Variants in CYTIP observed in about 807,000 individuals in gnomAD.
The protein encoded by CYTIP is cytohesin 1 interacting protein.
A neutral mutation model predicts 43.8 loss-of-function variants in CYTIP; 26 were observed. That is an observed-to-expected ratio of 0.59 (90% CI 0.44 to 0.82). The LOEUF is 0.82. Ranked by LOEUF, CYTIP falls within the 40% of genes least tolerant of loss-of-function variation. The pLI is 0.00. For synonymous variants in CYTIP, 162 were observed against 162.9 expected (o/e 0.99, Z 0.04); for missense variants, 426 against 443.1 (o/e 0.96, Z 0.35).
In CYTIP at chr2:157,430,625, A is replaced by T; in HGVS notation, c.410T>A (p.Val137Glu). 1.9e-6 allele frequency: 3 copies of T among 1,614,188 alleles called. No homozygotes were observed. The highest frequency in any genetic ancestry group is 2.5e-6 in the Non-Finnish European group (3 of 1,180,026). The change falls in exon 5 of 8, where the codon GTG becomes GAG. Residue 137 changes from valine (V) to glutamate (E), a missense_variant. Physicochemically the swap from Val to Glu is moderately radical, Grantham distance 121 (BLOSUM62 -2). Coordinates refer to ENST00000264192, the MANE Select transcript of CYTIP (RefSeq NM_004288.5). ...AGDVLANING[V>E]STEGFTYKQV... ...TTTGTAGGTAAAACCTTCTGTGCTC[A>T]CACCATTGATATTTGCAAGGACATC...
intron 5 of CYTIP, among the ~76,000 whole-genome samples, 158 bp from the exon 6 acceptor site, chr2:157,427,578 T>C (rs1208283926): frequency 6.6e-6 from 1 of 152,230 alleles, no homozygotes; most frequent in Admixed American, 6.5e-5. Context: ...TTCGAGTAGC[T>C]GGACCAAAGC....
At chr2:157,420,532 A>AT (rs144040589) in intron 6 of CYTIP, among the ~76,000 whole-genome samples, 10 of 151,486 alleles carry the variant, frequency 6.6e-5, no homozygotes, top group Middle Eastern at 3.4e-3. Flanking sequence ...TAAATAAATA[A>AT]TTTTTTTAAA....
At position 157,428,767 on chromosome 2, in the gene CYTIP, C is replaced by T. The variant is rs114023166; in HGVS notation, c.477-1347G>A. Among the ~76,000 whole-genome samples the T allele has an allele frequency of 7.4e-3, 1,123 of 152,312 alleles. 17 individuals are homozygous for T. Among genetic ancestry groups the T allele is most frequent in the African/African-American group, 0.026 (1,067 of 41,570 alleles). ...GAGCAAAAGCACCTCATCCTTTACC[C>T]TGAACTCACAGGACCTATAGAGTTG... On this transcript the variant is annotated intron_variant, in intron 5 of 7. Transcript: ENST00000264192.
chr2:157,431,259 T>C (rs1558939969), intron 3 of CYTIP, among the ~76,000 whole-genome samples: 2 of 152,212 alleles, frequency 1.3e-5, no homozygotes, highest in African/African-American at 2.4e-5. Context: ...TTTTTAAAAA[T>C]TGAGTTTCTC....
chr2:157,427,529 A>C, intron 5 of CYTIP, 109 bp from the exon 6 acceptor site: 1 of 689,308 alleles, frequency 1.5e-6, no homozygotes, highest in Non-Finnish European at 2.2e-6. Context: ...CACATACTAT[A>C]CTAAAAACGA....
chr2:157,443,548 G>T (rs941647431), intron 1 of CYTIP, among the ~76,000 whole-genome samples: 1 of 152,160 alleles, frequency 6.6e-6, no homozygotes. Flanking sequence ...CATACTGGTT[G>T]TATCTATATA....
intron 3 of CYTIP, among the ~76,000 whole-genome samples, chr2:157,433,261 A>T (rs1195782592): frequency 6.6e-6 from 1 of 152,090 alleles, no homozygotes; most frequent in Admixed American, 6.5e-5. Flanking sequence ...TGCTTCTAAA[A>T]CCTATAGATT....
intron 6 of CYTIP, among the ~76,000 whole-genome samples, chr2:157,426,284 A>G (rs912113596): frequency 5.3e-5 from 8 of 152,224 alleles, no homozygotes; most frequent in African/African-American, 1.9e-4. Flanking sequence ...AGTGAAAGCC[A>G]TAAAGATTTT....
chr2:157,436,988 C>A (rs1249998822), intron 1 of CYTIP, among the ~76,000 whole-genome samples: 1 of 151,812 alleles, frequency 6.6e-6, no homozygotes, highest in African/African-American at 2.4e-5. Context: ...TGAAAGAAAA[C>A]AGACAACTGT....
chr2:157,431,950 A>G (rs16841750), intron 3 of CYTIP, among the ~76,000 whole-genome samples: 2,758 of 152,318 alleles, frequency 0.018, 46 homozygotes, highest in East Asian at 0.071. Flanking sequence ...TATCTAATCT[A>G]TAAGGCACTT....
Position 157,430,595 on chromosome 2 carries a change from A to G in CYTIP, c.440T>C (p.Val147Ala). 6.2e-7 allele frequency: 1 copy of G among 1,614,200 alleles called. No homozygotes were observed. The highest frequency in any genetic ancestry group is 8.5e-7 in the Non-Finnish European group (1 of 1,180,030). ...VSTEGFTYKQ[V>A]VDLIRSSGNL... Reference sequence around the variant, plus strand: ...TCCGGACGATCTGATCAGGTCAACGACTTGTTTGTAGGTAAAACCTTCTGT... The same window carrying G: ...TCCGGACGATCTGATCAGGTCAACGGCTTGTTTGTAGGTAAAACCTTCTGT... The change falls in exon 5 of 8, where the codon GTC (valine) becomes GCC (alanine). Residue 147 changes from valine to alanine, a missense_variant. Coordinates refer to ENST00000264192, the MANE Select transcript of CYTIP (RefSeq NM_004288.5).
rs1041943569 is a variant in CYTIP, at chr2:157,443,861, G to A, written c.160C>T (p.Arg54Trp). Reference protein sequence around the residue: ...MLADTVATLPRGRKQLALTRS... With the variant: ...MLADTVATLPWGRKQLALTRS... ...AGCAATCATACCTGCTTTCGTCCCC[G>A]AGGCAGAGTAGCCACCGTGTCTGCT... The change falls in exon 1 of 8, where the codon CGG becomes TGG. Residue 54 changes from arginine (R) to tryptophan (W), a missense_variant. Transcript: ENST00000264192. 5 of 1,614,012 alleles carry A rather than the reference G, an allele frequency of 3.1e-6. No homozygotes were observed. Among genetic ancestry groups the A allele is most frequent in the Middle Eastern group, 1.6e-4 (1 of 6,062 alleles).
rs1685952402 is a variant in CYTIP at position 157,443,749 on chromosome 2, C to T, written c.174+98G>A. ...TAATAATCAGCCAGTAATTCCAAAGCCTCTAAAATATCACCATTAGTATGA... is the reference window on the plus strand; with the variant it reads ...TAATAATCAGCCAGTAATTCCAAAGTCTCTAAAATATCACCATTAGTATGA... On this transcript the variant is annotated intron_variant, in intron 1 of 7. Transcript: ENST00000264192. 10 of 1,292,190 alleles carry T rather than the reference C, an allele frequency of 7.7e-6. No individual in the cohort carries two copies. The South Asian group carries it at 1.5e-4, about 19-fold the overall frequency. The allele number at this position is 1,292,190 out of a possible 1,614,324, so 80.0% of individuals were successfully genotyped here.
At chr2:157,433,642 G>A (rs1685748574) in intron 3 of CYTIP, among the ~76,000 whole-genome samples, 1 of 151,842 alleles carries the variant, frequency 6.6e-6, no homozygotes, top group African/African-American at 2.4e-5. Context: ...CACTTAATTG[G>A]GTTAGACTTC....
At position 157,415,616 on chromosome 2, in the gene CYTIP, G is replaced by C. The variant is rs1193997414; in HGVS notation, c.*61C>G. The stretch of plus-strand genomic sequence containing the variant: ...CTTCTGCACTTTCCCACCAAGCTGG[G>C]ATCTGGGTGAGTCTAGAGATATTTG... On this transcript the variant is annotated 3_prime_UTR_variant, in exon 8 of 8. Transcript: ENST00000264192. 4 of 1,174,214 alleles carry C rather than the reference G, an allele frequency of 3.4e-6. No individual in the cohort carries two copies. The African/African-American group carries it at 6.1e-5, about 18-fold the overall frequency. The allele number at this position is 1,174,214 out of a possible 1,614,324, so 72.7% of individuals were successfully genotyped here. A position where few individuals can be genotyped will look rare whatever the true frequency, so the allele number is the denominator to read the frequency against.
chr2:157,422,335 A>C (rs558082521), intron 6 of CYTIP, among the ~76,000 whole-genome samples: 3 of 152,320 alleles, frequency 2.0e-5, no homozygotes, highest in East Asian at 1.9e-4. Flanking sequence ...TAAAATTGAT[A>C]ATTTGTGCAT....
chr2:157,422,666 GTC>G (rs1685540093), intron 6 of CYTIP, among the ~76,000 whole-genome samples: 1 of 130,418 alleles, frequency 7.7e-6, no homozygotes. Context: ...GCGAAACTCT[GTC>G]TCAAAAAAAA....
chr2:157,430,582 GATC>G lies in CYTIP; in HGVS notation c.450_452del (p.Ile151del), dbSNP rs763976944. On this transcript the variant is annotated inframe_deletion, in exon 5 of 8. Coordinates refer to ENST00000264192, the MANE Select transcript of CYTIP (RefSeq NM_004288.5). ...ACGTTAGCAGGTTTCCGGACGATCT[GATC>G]AGGTCAACGACTTGTTTGTAGGTAA... The G allele has an allele frequency of 6.2e-7, 1 of 1,614,162 alleles. No homozygotes were observed. Among genetic ancestry groups the G allele is most frequent in the Admixed American group, 1.7e-5 (1 of 60,020 alleles).
At chr2:157,440,869 T>G (rs1685896857) in intron 1 of CYTIP, among the ~76,000 whole-genome samples, 1 of 152,144 alleles carries the variant, frequency 6.6e-6, no homozygotes, top group African/African-American at 2.4e-5. Flanking sequence ...ACTACTTCTT[T>G]GACATCATTG....
Sources: allele counts gnomAD v4.1 joint callset (sites outside exome capture counted in the v4.1 genomes callset), GRCh38; gene constraint gnomAD v4.1.1; transcripts MANE v1.5; gene names NCBI Gene and HGNC (gene_info 2026-07-23, HGNC 2026-07-21).